The following SLC35B4 variants were observed in gnomAD, a reference collection of about 807,000 sequenced individuals.
SLC35B4 encodes the protein solute carrier family 35 member B4, also known as nucleotide sugar transporter SLC35B4.
In SLC35B4, 28 loss-of-function variants were observed where a neutral mutation model predicts 39.5. That is an observed-to-expected ratio of 0.71 (90% confidence interval 0.53 to 0.97). The LOEUF (loss-of-function observed/expected upper bound fraction) is 0.97. Among genes scored for constraint, SLC35B4 ranks in the 50% least tolerant of loss-of-function variants. The probability of loss-of-function intolerance (pLI) is 0.00; values close to 1 mark genes in which losing one functional copy is unlikely to be tolerated. For synonymous variants in SLC35B4, 145 were observed against 150.4 expected (o/e 0.96, Z 0.26); for missense variants, 334 against 414.3 (o/e 0.81, Z 1.68).
At chr7:134,302,160 T>C (rs1313229732) in intron 4 of SLC35B4, 50 bp from the exon 5 acceptor site, 8 of 1,450,768 alleles carry the variant, frequency 5.5e-6, no homozygotes, top group African/African-American at 1.4e-5. Context: ...AGCACAGATA[T>C]GAATTTCCCA....
rs1209193606 is a variant in SLC35B4, at chr7:134,309,442, G to T, written c.115C>A (p.Gln39Lys). The change falls in exon 2 of 10, where the codon CAA becomes AAA. Residue 39 changes from glutamine to lysine, a missense_variant. Gln to Lys is a moderately conservative substitution (Grantham distance 53). Transcript: ENST00000378509. ...PGCGNIVTFA[Q>K]FLFIAVEGFL... ...CCTTCCACAGCAATAAATAAAAATT[G>T]TGCAAATGTCACAATGTTCCCACAT... 6.2e-7 allele frequency: 1 copy of T among 1,611,372 alleles called. No individual in the cohort carries two copies. Among genetic ancestry groups the T allele is most frequent in the Non-Finnish European group, 8.5e-7 (1 of 1,179,624 alleles).
intron 8 of SLC35B4, 138 bp from the exon 9 acceptor site, chr7:134,296,604 C>T: frequency 1.6e-6 from 1 of 617,800 alleles, no homozygotes; most frequent in Non-Finnish European, 2.9e-6. Flanking sequence ...GATCACGCAT[C>T]ACTTTACTTG....
upstream of SLC35B4, among the ~76,000 whole-genome samples, chr7:134,318,796 CCT>C (rs2117333588): frequency 6.6e-6 from 1 of 152,306 alleles, no homozygotes; most frequent in South Asian, 2.1e-4. Flanking sequence ...AAAAAAATGG[CCT>C]GAGTACTGTA....
intron 9 of SLC35B4, chr7:134,295,282 C>T (rs543347805): frequency 7.1e-5 from 41 of 576,656 alleles, no homozygotes; most frequent in African/African-American, 6.5e-4. Context: ...CAATTTGAAA[C>T]CGCCAAAAAA....
At chr7:134,312,651 A>C (rs1803872039) in intron 1 of SLC35B4, among the ~76,000 whole-genome samples, 1 of 152,248 alleles carries the variant, frequency 6.6e-6, no homozygotes, top group African/African-American at 2.4e-5. Flanking sequence ...AAGAGATTTA[A>C]AAAATGATTC....
intron 2 of SLC35B4, among the ~76,000 whole-genome samples, 164 bp from the exon 3 acceptor site, chr7:134,306,938 C>T (rs2598294): frequency 0.5 from 76,720 of 152,030 alleles, 19,896 homozygotes; most frequent in African/African-American, 0.6. Context: ...CATATCAAAA[C>T]GCTTCACAAA....
intron 1 of SLC35B4, among the ~76,000 whole-genome samples, chr7:134,312,809 G>A (rs370053957): frequency 4.3e-4 from 65 of 152,198 alleles, no homozygotes; most frequent in African/African-American, 1.4e-3. Flanking sequence ...GTCTCCCAGC[G>A]GTCAACGGCA....
chr7:134,303,669 C>G (rs1031347244), intron 4 of SLC35B4, among the ~76,000 whole-genome samples: 1 of 152,166 alleles, frequency 6.6e-6, no homozygotes, highest in Non-Finnish European at 1.5e-5. Flanking sequence ...CAGCTACTTT[C>G]CAAGCATGTA....
chr7:134,297,311 C>G (rs1803489894), intron 8 of SLC35B4, among the ~76,000 whole-genome samples: 1 of 152,198 alleles, frequency 6.6e-6, no homozygotes, highest in African/African-American at 2.4e-5. Flanking sequence ...TGGCGTCATT[C>G]TTTAAAAAAA....
At position 134,304,800 on chromosome 7, in the gene SLC35B4, T is replaced by G; in HGVS notation, c.344+5A>C. 1.2e-6 allele frequency: 2 copies of G among 1,605,352 alleles called. No homozygotes were observed. Among genetic ancestry groups the G allele is most frequent in the Non-Finnish European group, 1.7e-6 (2 of 1,172,136 alleles). ...ATACACAAAATACAGAAGTGTATTG[T>G]TTACCTTTTCTTCAAAATGATAATT... On this transcript the variant is annotated splice_donor_5th_base_variant and intron_variant, in intron 4 of 9. Coordinates refer to ENST00000378509, the MANE Select transcript of SLC35B4 (RefSeq NM_032826.5).
chr7:134,300,165 G>A lies in SLC35B4; in HGVS notation c.584C>T (p.Ala195Val), dbSNP rs780307820. Residue 195 changes from alanine to valine, a missense_variant, in exon 7 of 10, where the codon GCT becomes GTT. Physicochemically the swap from Ala to Val is moderately conservative, Grantham distance 64 (BLOSUM62 0). Coordinates refer to ENST00000378509, the MANE Select transcript of SLC35B4 (RefSeq NM_032826.5). ...YKRFGKHSKE[A>V]LFYNHALPLP... ...GAAGTTGCTTACATTATAAAACAAAGCCTCCTTGGAGTGTTTCCCAAATCG... is the reference window on the plus strand; with the variant it reads ...GAAGTTGCTTACATTATAAAACAAAACCTCCTTGGAGTGTTTCCCAAATCG... The A allele has an allele frequency of 1.3e-5, 21 of 1,606,748 alleles. No individual in the cohort carries two copies. The highest frequency in any genetic ancestry group is 1.7e-5 in the Non-Finnish European group (20 of 1,177,672).
At chr7:134,310,549 T>TC (rs1337010866) in intron 1 of SLC35B4, among the ~76,000 whole-genome samples, 1 of 150,284 alleles carries the variant, frequency 6.7e-6, no homozygotes, top group African/African-American at 2.4e-5. Context: ...TTTTCATCTT[T>TC]TTTTTTTTTT....
chr7:134,296,311 G>T, intron 9 of SLC35B4, 80 bp downstream of exon 9: 1 of 1,243,022 alleles, frequency 8.0e-7, no homozygotes, highest in Non-Finnish European at 1.2e-6. Context: ...TCAACACACT[G>T]TTAGAAGAAA....
upstream of SLC35B4, among the ~76,000 whole-genome samples, chr7:134,317,461 T>C (rs892495715): frequency 6.6e-6 from 1 of 152,192 alleles, no homozygotes; most frequent in Non-Finnish European, 1.5e-5. Context: ...CCCCAGCGAT[T>C]CTGATTTAAT....
chr7:134,314,453 T>C (rs1233430928), intron 1 of SLC35B4, among the ~76,000 whole-genome samples: 2 of 152,262 alleles, frequency 1.3e-5, no homozygotes, highest in African/African-American at 2.4e-5. Context: ...AGATTTAATT[T>C]AATGGCATAT....
chr7:134,301,145 T>G (rs938237253), intron 6 of SLC35B4, among the ~76,000 whole-genome samples: 1 of 152,244 alleles, frequency 6.6e-6, no homozygotes, highest in African/African-American at 2.4e-5. Flanking sequence ...TTCACTGCTA[T>G]TTCTCTTCCA....
At chr7:134,297,543 C>CA (rs1283623633) in intron 8 of SLC35B4, among the ~76,000 whole-genome samples, 1 of 151,604 alleles carries the variant, frequency 6.6e-6, no homozygotes, top group Non-Finnish European at 1.5e-5. Context: ...TTGATAAAAA[C>CA]AAAAATCATA....
chr7:134,305,279 C>T (rs566455158), intron 3 of SLC35B4, among the ~76,000 whole-genome samples: 10 of 152,000 alleles, frequency 6.6e-5, no homozygotes, highest in East Asian at 3.9e-4. Context: ...GCCAAGATCG[C>T]GCCATTGCAC....
At chr7:134,312,358 T>C (rs1347478198) in intron 1 of SLC35B4, among the ~76,000 whole-genome samples, 1 of 152,116 alleles carries the variant, frequency 6.6e-6, no homozygotes, top group African/African-American at 2.4e-5. Context: ...AAAGAACAAT[T>C]ATCAAGACTC....
Sources: allele counts gnomAD v4.1 joint callset (sites outside exome capture counted in the v4.1 genomes callset), GRCh38; gene constraint gnomAD v4.1.1; transcripts MANE v1.5; gene names NCBI Gene and HGNC (gene_info 2026-07-23, HGNC 2026-07-21).